PLEKHA8: variants seen among roughly 807,000 people sequenced by gnomAD.
PLEKHA8 encodes pleckstrin homology domain containing A8.
Under a neutral mutation model 68.2 loss-of-function variants are expected in PLEKHA8, and 36 were observed. That is an observed-to-expected ratio of 0.53 (90% CI 0.40 to 0.70). PLEKHA8 has a LOEUF of 0.70. Ranked by LOEUF, PLEKHA8 falls within the 30% of genes least tolerant of loss-of-function variation. PLEKHA8 has a pLI of 0.00. For synonymous variants in PLEKHA8, 211 were observed against 216.1 expected, an observed-to-expected ratio of 0.98 and a Z score of 0.20; for missense variants, 505 against 615.4, an observed-to-expected ratio of 0.82 and a Z score of 1.90.
rs566242252 is a variant in PLEKHA8, at chr7:30,115,954, A to G, written c.1363-13312A>G. ...CATGTATACATGCACACATACGCAT[A>G]CATGCATGCATACATGTGCATGCAT... On this transcript the variant is annotated intron_variant, in intron 13 of 13. Coordinates refer to the PLEKHA8 transcript ENST00000396257. The G allele has an allele frequency of 1.9e-4, 25 of 131,110 alleles. 1 individual carries two copies. Among genetic ancestry groups the G allele is most frequent in the African/African-American group, 4.5e-4 (16 of 35,498 alleles). The allele number at this position is 131,110 out of a possible 1,614,324, so 8.1% of individuals were successfully genotyped here.
chr7:30,113,901 C>CTT (rs748202008), intron 13 of PLEKHA8, among the ~76,000 whole-genome samples: 37 of 139,806 alleles, frequency 2.6e-4, no homozygotes, highest in South Asian at 6.8e-4. Context: ...CAAAATATTA[C>CTT]TTTTTTTTTT....
chr7:30,050,369 A>T, intron 5 of PLEKHA8, 65 bp from the exon 6 acceptor site: 1 of 1,510,890 alleles, frequency 6.6e-7, no homozygotes, highest in Non-Finnish European at 8.8e-7. Context: ...GTATGTAATA[A>T]GATCATAAAT....
Position 30,047,968 on chromosome 7 carries a change from TTTATTAATA to T in PLEKHA8, c.438+23_438+31del. On this transcript the variant is annotated intron_variant, in intron 4 of 13. Coordinates refer to ENST00000449726, the MANE Select transcript of PLEKHA8 (RefSeq NM_001197026.2). ...TGTCCAATTCTGAGGTAAAATATTATTTATTAATATTATTAATATACATGAATAATATAA... is the reference window on the plus strand; with the variant it reads ...TGTCCAATTCTGAGGTAAAATATTATTTATTAATATACATGAATAATATAA... The T allele has an allele frequency of 7.6e-7, 1 of 1,314,798 alleles. No homozygotes were observed. The highest frequency in any genetic ancestry group is 3.0e-5 in the East Asian group (1 of 33,238). The allele number at this position is 1,314,798 out of a possible 1,614,324, so 81.4% of individuals were successfully genotyped here.
intron 13 of PLEKHA8, among the ~76,000 whole-genome samples, chr7:30,098,673 C>T (rs972501693): frequency 1.3e-5 from 2 of 152,230 alleles, no homozygotes; most frequent in Admixed American, 6.5e-5. Context: ...TTGTTAAACC[C>T]GTTGGAAAAG....
At chr7:30,075,265 C>G (rs776833491) in intron 13 of PLEKHA8, 2 of 152,118 alleles carry the variant, frequency 1.3e-5, no homozygotes, top group African/African-American at 2.4e-5. Context: ...AGCTCCATAT[C>G]CCATTCACTG....
At chr7:30,038,266 C>G (rs913042481) in intron 1 of PLEKHA8, among the ~76,000 whole-genome samples, 2 of 151,832 alleles carry the variant, frequency 1.3e-5, no homozygotes, top group African/African-American at 4.8e-5. Flanking sequence ...ATGGAACATT[C>G]ACCAAGATAG....
intron 3 of PLEKHA8, among the ~76,000 whole-genome samples, chr7:30,046,589 A>G (rs778393134): frequency 6.6e-6 from 1 of 152,242 alleles, no homozygotes; most frequent in African/African-American, 2.4e-5. Context: ...ACAGCTGGGT[A>G]CACATGATGG....
rs1794997635 is a variant in PLEKHA8, at chr7:30,082,603, A to G, written c.*3816A>G. The G allele has an allele frequency of 1.0e-6, 1 of 985,114 alleles. No homozygotes were observed. The highest frequency in any genetic ancestry group is 1.2e-6 in the Non-Finnish European group (1 of 829,748). 61.0% of individuals were successfully genotyped at this position (985,114 alleles called of 1,614,324 possible). ...TTCTCCTTTTGGTTATTACTTTCCAAATATATTAACAAAAAGTTGATGCTT... is the reference window on the plus strand; with the variant it reads ...TTCTCCTTTTGGTTATTACTTTCCAGATATATTAACAAAAAGTTGATGCTT... On this transcript the variant is annotated 3_prime_UTR_variant, in exon 14 of 14. Transcript: ENST00000449726.
At chr7:30,047,154 C>T (rs78942763) in intron 3 of PLEKHA8, among the ~76,000 whole-genome samples, 4,393 of 152,154 alleles carry the variant, frequency 0.029, 88 homozygotes, top group Non-Finnish European at 0.044. Flanking sequence ...TCTTTTAATG[C>T]TAAATTGGTA....
At chr7:30,054,169 G>A (rs1792639371) in intron 7 of PLEKHA8, among the ~76,000 whole-genome samples, 1 of 152,166 alleles carries the variant, frequency 6.6e-6, no homozygotes, top group Admixed American at 6.5e-5. Flanking sequence ...TCTATACTAT[G>A]AGAGCTGAAA....
intron 13 of PLEKHA8, among the ~76,000 whole-genome samples, chr7:30,096,693 C>T (rs529224167): frequency 6.6e-6 from 1 of 152,258 alleles, no homozygotes; most frequent in Admixed American, 6.5e-5. Context: ...GATCTTCCTC[C>T]ATCCCTTTAT....
At chr7:30,089,601 C>T (rs961655646), downstream of PLEKHA8, among the ~76,000 whole-genome samples, 24 of 152,140 alleles carry the variant, frequency 1.6e-4, no homozygotes, top group African/African-American at 5.6e-4. Flanking sequence ...AGCTGCTCAC[C>T]TTAAACATGA....
intron 9 of PLEKHA8, among the ~76,000 whole-genome samples, chr7:30,058,841 C>G (rs370636036): frequency 6.6e-6 from 1 of 152,152 alleles, no homozygotes; most frequent in East Asian, 1.9e-4. Context: ...TAAACAACAT[C>G]GAAGGCTGGG....
intron 12 of PLEKHA8, among the ~76,000 whole-genome samples, chr7:30,064,858 A>T (rs776613856): frequency 6.6e-5 from 10 of 152,134 alleles, no homozygotes; most frequent in Non-Finnish European, 1.0e-4. Flanking sequence ...CGCTTGTCTC[A>T]TGCTGCTATT....
chr7:30,115,849 T>C (rs1294328432), intron 13 of PLEKHA8: 1 of 150,712 alleles, frequency 6.6e-6, no homozygotes, highest in East Asian at 2.0e-4. Context: ...TATACACGTA[T>C]GCATACATAC....
chr7:30,116,248 G>GCA (rs1796550310), intron 13 of PLEKHA8, among the ~76,000 whole-genome samples: 1 of 140,318 alleles, frequency 7.1e-6, no homozygotes, highest in African/African-American at 3.1e-5. Flanking sequence ...GCGTATACAT[G>GCA]TACACGTATA....
At chr7:30,065,044 TTCTC>T (rs1793729426) in intron 12 of PLEKHA8, among the ~76,000 whole-genome samples, 1 of 152,178 alleles carries the variant, frequency 6.6e-6, no homozygotes, top group African/African-American at 2.4e-5. Flanking sequence ...CTGCCCACTT[TTCTC>T]TCTCCTTTTC....
At chr7:30,061,857 A>G in intron 10 of PLEKHA8, 40 bp from the exon 11 acceptor site, 1 of 1,611,510 alleles carries the variant, frequency 6.2e-7, no homozygotes, top group Admixed American at 1.7e-5. Flanking sequence ...TGATAACTTC[A>G]GCATTTTAAA....
downstream of PLEKHA8, among the ~76,000 whole-genome samples, chr7:30,087,371 G>A (rs1583455022): frequency 6.6e-6 from 1 of 152,214 alleles, no homozygotes; most frequent in East Asian, 1.9e-4. Context: ...TCAGGCACAG[G>A]TCACTCATCT....
Sources: allele counts gnomAD v4.1 joint callset (sites outside exome capture counted in the v4.1 genomes callset), GRCh38; gene constraint gnomAD v4.1.1; transcripts MANE v1.5; gene names NCBI Gene and HGNC (gene_info 2026-07-23, HGNC 2026-07-21).